The following C2orf66 variants were observed in gnomAD, a reference collection of about 807,000 sequenced individuals.
The protein encoded by C2orf66 is uncharacterized protein C2orf66.
C2orf66 carries 6 observed loss-of-function variants against 7.0 expected under a neutral mutation model. The ratio of observed to expected loss-of-function variants is 0.86; its 90% CI spans 0.47 to 1.69. The LOEUF (loss-of-function observed/expected upper bound fraction) is 1.69, where lower values mean the gene tolerates loss of function less well. Ranked by LOEUF, C2orf66 falls within the 40% of genes most tolerant of loss-of-function variation. The probability of loss-of-function intolerance (pLI) is 0.01; values close to 1 mark genes in which losing one functional copy is unlikely to be tolerated. For missense variants in C2orf66, 107 were observed against 112.0 expected (o/e 0.96, Z 0.20); for synonymous variants, 38 against 43.8 (o/e 0.87, Z 0.52).
At chr2:196,813,937 G>A (rs183903678), upstream of C2orf66, among the ~76,000 whole-genome samples, 17 of 152,294 alleles carry the variant, frequency 1.1e-4, no homozygotes, top group Admixed American at 5.2e-4. Context: ...TGCTGGAGAG[G>A]ATGTGGAGAA....
At chr2:196,825,455 A>G in the C2orf66 span, among the ~76,000 whole-genome samples, 1 of 152,342 alleles carries the variant, frequency 6.6e-6, no homozygotes, top group Non-Finnish European at 1.5e-5. Flanking sequence ...TTCTCAACAC[A>G]CACAAGGTTA....
upstream of C2orf66, chr2:196,809,510 T>G: frequency 1.2e-6 from 1 of 860,188 alleles, no homozygotes; most frequent in Non-Finnish European, 1.8e-6. Flanking sequence ...GATTGACTTC[T>G]AAATGAGGAC....
chr2:196,829,579 ACT>A, the C2orf66 span, among the ~76,000 whole-genome samples: 3 of 150,834 alleles, frequency 2.0e-5, no homozygotes, highest in Non-Finnish European at 4.4e-5. Context: ...AAAGAGCCAG[ACT>A]CTGTCTCAAA....
At chr2:196,825,800 A>G in the C2orf66 span, among the ~76,000 whole-genome samples, 1 of 152,254 alleles carries the variant, frequency 6.6e-6, no homozygotes, top group Admixed American at 6.5e-5. Context: ...GCTCTCACAC[A>G]TTCAGCCTTT....
chr2:196,809,501 A>G (rs1699853107), upstream of C2orf66: 1 of 977,490 alleles, frequency 1.0e-6, no homozygotes, highest in African/African-American at 1.6e-5. Flanking sequence ...TTTTTTCCAG[A>G]TTGACTTCTA....
At chr2:196,826,673 T>C in the C2orf66 span, among the ~76,000 whole-genome samples, 1 of 152,276 alleles carries the variant, frequency 6.6e-6, no homozygotes, top group East Asian at 1.9e-4. Flanking sequence ...CTGAATTTAA[T>C]ACCACTGAAC....
chr2:196,816,320 G>A, the C2orf66 span, among the ~76,000 whole-genome samples: 9 of 152,278 alleles, frequency 5.9e-5, no homozygotes, highest in East Asian at 1.9e-4. Flanking sequence ...GTCAAACGAC[G>A]TTGGTTAAAA....
In C2orf66 at chr2:196,807,550, T is replaced by C. The variant is rs141825654; in HGVS notation, c.196A>G (p.Thr66Ala). The change falls in exon 2 of 3, where the codon ACG becomes GCG. Residue 66 changes from threonine to alanine, a missense_variant. Transcript: ENST00000342506. ...GAGAGAGGTCTAGGATTTTCATTCG[T>C]GGGGAAAGGATTTGGAAATGTTCCA... The part of the protein sequence containing the change: ...DLGTFPNPFP[T>A]NENPRPLSFQ... The C allele has an allele frequency of 6.2e-7, 1 of 1,613,696 alleles. No homozygotes were observed. The highest frequency in any genetic ancestry group is 8.5e-7 in the Non-Finnish European group (1 of 1,179,824).
At chr2:196,826,955 C>T in the C2orf66 span, among the ~76,000 whole-genome samples, 17,106 of 151,978 alleles carry the variant, frequency 0.11, 1,042 homozygotes, top group Non-Finnish European at 0.14. Flanking sequence ...CGCTTGAACC[C>T]GGTAGACGGA....
the C2orf66 span, among the ~76,000 whole-genome samples, chr2:196,828,263 C>G: frequency 2.8e-3 from 425 of 151,562 alleles, 1 homozygote; most frequent in African/African-American, 9.8e-3. Flanking sequence ...CACACACACA[C>G]ACACACACAC....
At chr2:196,826,502 G>T in the C2orf66 span, among the ~76,000 whole-genome samples, 163 of 152,164 alleles carry the variant, frequency 1.1e-3, no homozygotes, top group East Asian at 0.019. Context: ...TGTAACAAAA[G>T]GTTTTTACAT....
chr2:196,822,073 C>G, the C2orf66 span, among the ~76,000 whole-genome samples: 2 of 151,088 alleles, frequency 1.3e-5, no homozygotes, highest in East Asian at 3.9e-4. Context: ...TGCCACCATG[C>G]CCAGCTAATT....
the C2orf66 span, among the ~76,000 whole-genome samples, chr2:196,826,435 A>G: frequency 1.3e-5 from 2 of 152,188 alleles, no homozygotes; most frequent in Non-Finnish European, 2.9e-5. Context: ...AAAGTCTGAG[A>G]TGATTTTCCA....
chr2:196,818,426 C>T, the C2orf66 span, among the ~76,000 whole-genome samples: 1 of 152,314 alleles, frequency 6.6e-6, no homozygotes, highest in Non-Finnish European at 1.5e-5. Context: ...GCAGCAGCCT[C>T]CCTGTCTCCT....
upstream of C2orf66, among the ~76,000 whole-genome samples, chr2:196,811,358 C>T (rs1196350412): frequency 2.6e-5 from 4 of 152,016 alleles, no homozygotes; most frequent in Admixed American, 6.6e-5. Flanking sequence ...AAGAGGGCTG[C>T]GCAAAGCCAG....
the C2orf66 span, among the ~76,000 whole-genome samples, chr2:196,829,888 C>T: frequency 6.6e-6 from 1 of 151,956 alleles, no homozygotes; most frequent in African/African-American, 2.4e-5. Flanking sequence ...CAGAGCGAGA[C>T]TCCATCTCAA....
At chr2:196,828,230 T>TCTCACA in the C2orf66 span, among the ~76,000 whole-genome samples, 135 of 125,158 alleles carry the variant, frequency 1.1e-3, no homozygotes, top group African/African-American at 1.4e-3. Flanking sequence ...TCTCTCTCTC[T>TCTCACA]CACACACACA....
upstream of C2orf66, among the ~76,000 whole-genome samples, chr2:196,811,317 G>T (rs1436117408): frequency 6.6e-6 from 1 of 152,198 alleles, no homozygotes; most frequent in Non-Finnish European, 1.5e-5. Flanking sequence ...GGTTATTCTG[G>T]TTGCAGTGGG....
chr2:196,828,230 T>TCTCACACACACACA, the C2orf66 span, among the ~76,000 whole-genome samples: 5 of 125,064 alleles, frequency 4.0e-5, no homozygotes, highest in African/African-American at 1.5e-4. Flanking sequence ...TCTCTCTCTC[T>TCTCACACACACACA]CACACACACA....
Sources: allele counts gnomAD v4.1 joint callset (sites outside exome capture counted in the v4.1 genomes callset), GRCh38; gene constraint gnomAD v4.1.1; transcripts MANE v1.5; gene names NCBI Gene and HGNC (gene_info 2026-07-23, HGNC 2026-07-21).